LHFPL3: variants seen among roughly 807,000 people sequenced by gnomAD.
The protein encoded by LHFPL3 is LHFPL tetraspan subfamily member 3.
A neutral mutation model predicts 19.3 loss-of-function variants in LHFPL3; 5 were observed. That is an observed-to-expected ratio of 0.26 (90% CI 0.14 to 0.54). The LOEUF (loss-of-function observed/expected upper bound fraction) is 0.54, where lower values mean the gene tolerates loss of function less well. Among genes scored for constraint, LHFPL3 ranks in the 20% least tolerant of loss-of-function variants. The probability of loss-of-function intolerance (pLI) is 0.94; values close to 1 mark genes in which losing one functional copy is unlikely to be tolerated. For missense variants in LHFPL3, 249 were observed against 307.4 expected, an observed-to-expected ratio of 0.81 and a Z score of 1.42; for synonymous variants, 133 against 126.2, an observed-to-expected ratio of 1.05 and a Z score of -0.36.
chr7:104,365,457 G>A (rs1258088523), intron 1 of LHFPL3, among the ~76,000 whole-genome samples: 1 of 151,610 alleles, frequency 6.6e-6, no homozygotes, highest in African/African-American at 2.4e-5. Context: ...TTTTTTTAAG[G>A]TAGTGAAGAG....
chr7:104,378,344 C>A (rs1790758329), intron 1 of LHFPL3, among the ~76,000 whole-genome samples: 1 of 152,200 alleles, frequency 6.6e-6, no homozygotes, highest in South Asian at 2.1e-4. Flanking sequence ...TTTGGCAGAG[C>A]ACGCTTTTCA....
intron 1 of LHFPL3, among the ~76,000 whole-genome samples, chr7:104,431,428 A>G (rs1484840265): frequency 6.6e-6 from 1 of 152,142 alleles, no homozygotes; most frequent in South Asian, 2.1e-4. Flanking sequence ...TGACATTTAA[A>G]ACTGAATTGT....
intron 1 of LHFPL3, among the ~76,000 whole-genome samples, chr7:104,353,452 G>T (rs1277209064): frequency 6.6e-6 from 1 of 152,086 alleles, no homozygotes; most frequent in African/African-American, 2.4e-5. Context: ...CTCAGGCCTT[G>T]GTTTGGGACT....
chr7:104,885,441 C>T (rs895057087), intron 2 of LHFPL3, among the ~76,000 whole-genome samples: 1 of 152,168 alleles, frequency 6.6e-6, no homozygotes, highest in African/African-American at 2.4e-5. Flanking sequence ...AAAAAAGTTT[C>T]TCTTGTTCCC....
At chr7:104,477,594 C>T (rs1018605450) in intron 1 of LHFPL3, among the ~76,000 whole-genome samples, 3 of 151,862 alleles carry the variant, frequency 2.0e-5, no homozygotes, top group Non-Finnish European at 4.4e-5. Flanking sequence ...ACGGGCCTTT[C>T]GGAGGGTGGA....
intron 2 of LHFPL3, among the ~76,000 whole-genome samples, chr7:104,829,752 C>T (rs1439572352): frequency 6.6e-6 from 1 of 151,916 alleles, no homozygotes; most frequent in Non-Finnish European, 1.5e-5. Context: ...TGGGTTGGTT[C>T]CAAGTCTTTG....
At chr7:104,456,832 C>T (rs1792551470) in intron 1 of LHFPL3, among the ~76,000 whole-genome samples, 1 of 152,172 alleles carries the variant, frequency 6.6e-6, no homozygotes, top group Non-Finnish European at 1.5e-5. Context: ...AGAGATGATT[C>T]ATGTCCCAAG....
At chr7:104,487,640 C>T (rs1475744651) in intron 1 of LHFPL3, among the ~76,000 whole-genome samples, 6 of 152,328 alleles carry the variant, frequency 3.9e-5, no homozygotes, top group Middle Eastern at 3.4e-3. Context: ...TTTTTCTTTC[C>T]TCATTAACAT....
At chr7:104,825,035 A>G (rs532848784) in intron 2 of LHFPL3, among the ~76,000 whole-genome samples, 37 of 150,352 alleles carry the variant, frequency 2.5e-4, no homozygotes, top group Admixed American at 2.4e-3. Flanking sequence ...AATCTAGATT[A>G]TCCATTTCCA....
intron 1 of LHFPL3, among the ~76,000 whole-genome samples, chr7:104,342,595 G>A (rs924328839): frequency 6.6e-6 from 1 of 152,162 alleles, no homozygotes; most frequent in African/African-American, 2.4e-5. Context: ...AAATTCTCAA[G>A]CTGGTTCCTA....
chr7:104,781,324 C>T (rs1330202548), intron 2 of LHFPL3, among the ~76,000 whole-genome samples: 4 of 152,164 alleles, frequency 2.6e-5, no homozygotes, highest in East Asian at 3.9e-4. Context: ...TAGCCCATCA[C>T]CTTATGGCTG....
At chr7:104,790,442 G>C (rs2470966) in intron 2 of LHFPL3, among the ~76,000 whole-genome samples, 100,716 of 151,950 alleles carry the variant, frequency 0.66, 34,020 homozygotes, top group East Asian at 0.94. Flanking sequence ...CCATACGTAT[G>C]TCTCCTTTCT....
chr7:104,709,245 A>G lies in LHFPL3; in HGVS notation c.446-27430A>G, dbSNP rs1379038310. ...TTATTTTTTTTTATTTTTTATCTTT[A>G]GTATTTATTGATCATTCTTGGGTGT... is the stretch of plus-strand genomic sequence containing the variant. On this transcript the variant is annotated intron_variant, in intron 1 of 2. Coordinates refer to ENST00000424859, the MANE Select transcript of LHFPL3 (RefSeq NM_199000.3). Among the ~76,000 whole-genome samples the G allele has an allele frequency of 2.0e-5, 3 of 147,204 alleles. No homozygotes were observed. The East Asian group carries it at 5.9e-4, about 29-fold the overall frequency.
At chr7:104,754,240 A>G (rs1311505046) in intron 2 of LHFPL3, among the ~76,000 whole-genome samples, 1 of 152,254 alleles carries the variant, frequency 6.6e-6, no homozygotes, top group East Asian at 1.9e-4. Context: ...AAAAAGAAAC[A>G]GAATAAAATA....
intron 1 of LHFPL3, among the ~76,000 whole-genome samples, chr7:104,565,805 C>T (rs1404378947): frequency 6.6e-6 from 1 of 151,428 alleles, no homozygotes; most frequent in Non-Finnish European, 1.5e-5. Flanking sequence ...ATCTATCATT[C>T]CCCACAATTT....
At chr7:104,365,155 C>T (rs1328168398) in intron 1 of LHFPL3, among the ~76,000 whole-genome samples, 2 of 151,996 alleles carry the variant, frequency 1.3e-5, no homozygotes, top group South Asian at 2.1e-4. Flanking sequence ...CAAAATTAGC[C>T]GGGCGTGGTA....
chr7:104,766,662 T>G (rs1794463601), intron 2 of LHFPL3, among the ~76,000 whole-genome samples: 1 of 152,188 alleles, frequency 6.6e-6, no homozygotes, highest in South Asian at 2.1e-4. Flanking sequence ...AAAACCATAC[T>G]TCTAATCTTG....
At chr7:104,741,537 T>A (rs1793937639) in intron 2 of LHFPL3, among the ~76,000 whole-genome samples, 1 of 136,408 alleles carries the variant, frequency 7.3e-6, no homozygotes, top group Admixed American at 7.0e-5. Flanking sequence ...CTAACTTAAT[T>A]TTTTTTTTTT....
At chr7:104,741,461 C>CAAAAA (rs5886331) in intron 2 of LHFPL3, among the ~76,000 whole-genome samples, 2 of 92,912 alleles carry the variant, frequency 2.2e-5, no homozygotes, top group African/African-American at 7.9e-5. Context: ...TTCTTTATGC[C>CAAAAA]AAAAAAAAAA....
Sources: gnomAD v4.1 joint callset for allele counts (sites outside exome capture counted in the v4.1 genomes callset) on GRCh38, gnomAD v4.1.1 for gene constraint, MANE v1.5 for transcripts, NCBI Gene and HGNC (gene_info 2026-07-23, HGNC 2026-07-21) for gene names.